GALNT18: variants seen among roughly 807,000 people sequenced by gnomAD.
GALNT18 encodes the protein polypeptide N-acetylgalactosaminyltransferase 18, also known as GalNAc-transferase 18.
Under a neutral mutation model 69.5 loss-of-function variants are expected in GALNT18, and 44 were observed. The ratio of observed to expected loss-of-function variants is 0.63; its 90% CI spans 0.50 to 0.81. GALNT18 has a LOEUF of 0.81. GALNT18 is among the 40% of genes least tolerant of loss of function. GALNT18 has a pLI of 0.00. For synonymous variants in GALNT18, 364 were observed against 318.2 expected (o/e 1.14, Z -1.53); for missense variants, 715 against 810.0 (o/e 0.88, Z 1.42).
intron 3 of GALNT18, among the ~76,000 whole-genome samples, chr11:11,400,737 C>T (rs1476193916): frequency 6.6e-6 from 1 of 151,902 alleles, no homozygotes. Flanking sequence ...ATATGCTTCT[C>T]ACTCCCAGCT....
At chr11:11,290,727 A>G (rs1034453294) in intron 10 of GALNT18, among the ~76,000 whole-genome samples, 5 of 152,022 alleles carry the variant, frequency 3.3e-5, no homozygotes, top group African/African-American at 1.2e-4. Context: ...TAGCTGCACC[A>G]CCACCAACTT....
chr11:11,556,785 T>C (rs1858342770), intron 1 of GALNT18, among the ~76,000 whole-genome samples: 2 of 152,332 alleles, frequency 1.3e-5, no homozygotes, highest in East Asian at 1.9e-4. Context: ...TTATGAGCAA[T>C]AGAAAAATGT....
chr11:11,449,225 A>AC (rs1331349148), intron 1 of GALNT18, among the ~76,000 whole-genome samples: 1 of 151,910 alleles, frequency 6.6e-6, no homozygotes, highest in Non-Finnish European at 1.5e-5. Context: ...TCAAGTCAGG[A>AC]CCCCCTTTTT....
Position 11,332,893 on chromosome 11 carries a change from C to G in GALNT18, c.1279-62G>C. ...CCAGGTTGCAGCTTCTCCCCAAACT[C>G]TACTTTGGCATGACCTTGTGCCCCC... On this transcript the variant is annotated intron_variant, in intron 7 of 10. Transcript: ENST00000227756. This position sits in a 1 kb window ranked among gnomAD's most constrained non-coding sequence, Gnocchi z 4.3. 1 of 1,583,626 alleles carries G rather than the reference C, an allele frequency of 6.3e-7. No homozygotes were observed. Among genetic ancestry groups the G allele is most frequent in the Non-Finnish European group, 8.6e-7 (1 of 1,163,786 alleles).
At chr11:11,517,498 C>T (rs1199440396) in intron 1 of GALNT18, among the ~76,000 whole-genome samples, 2 of 152,202 alleles carry the variant, frequency 1.3e-5, no homozygotes, top group African/African-American at 4.8e-5. Context: ...CATATATGGA[C>T]TTAATTTAAT....
At chr11:11,412,517 G>A (rs1174455172) in intron 3 of GALNT18, among the ~76,000 whole-genome samples, 1 of 152,176 alleles carries the variant, frequency 6.6e-6, no homozygotes, top group Non-Finnish European at 1.5e-5. Context: ...GGAGCCCCAG[G>A]TTCTAAGCAC....
intron 9 of GALNT18, among the ~76,000 whole-genome samples, chr11:11,303,556 A>G (rs895686121): frequency 6.6e-6 from 1 of 151,910 alleles, no homozygotes; most frequent in Non-Finnish European, 1.5e-5. Flanking sequence ...CTGATACTAG[A>G]TAGAGGCTGA....
In GALNT18 at chr11:11,309,833, G is replaced by C. The variant is rs781315061; in HGVS notation, c.1513-16640C>G. On this transcript the variant is annotated intron_variant, in intron 9 of 10. Transcript: ENST00000227756. This position sits in a 1 kb window ranked among gnomAD's most constrained non-coding sequence, Gnocchi z 4.6. ...ACAGCCTGCAAACTTGTTCCTCCTGGGCCTCAGCAGAAGTTCATTTCCTGT... is the reference window on the plus strand; with the variant it reads ...ACAGCCTGCAAACTTGTTCCTCCTGCGCCTCAGCAGAAGTTCATTTCCTGT... Among the ~76,000 whole-genome samples, 13 of 151,952 alleles carry C rather than the reference G, an allele frequency of 8.6e-5. No individual in the cohort carries two copies. Among genetic ancestry groups the C allele is most frequent in the African/African-American group, 3.1e-4 (13 of 41,342 alleles).
chr11:11,565,273 A>G (rs1265732562), intron 1 of GALNT18, among the ~76,000 whole-genome samples: 1 of 152,218 alleles, frequency 6.6e-6, no homozygotes, highest in Non-Finnish European at 1.5e-5. Flanking sequence ...TACCTGCCAC[A>G]TAGGGGTGGC....
rs1590096107 is a variant in GALNT18 at position 11,556,041 on chromosome 11, A to G, written c.235+65318T>C. Among the ~76,000 whole-genome samples, 3 of 152,214 alleles carry G rather than the reference A, an allele frequency of 2.0e-5. No homozygotes were observed. In the East Asian group the frequency reaches 5.8e-4, roughly 29 times the overall value. On this transcript the variant is annotated intron_variant, in intron 1 of 10. Transcript: ENST00000227756. ...TGCCAGGTCATGGATGAAGCAAAAC[A>G]ATCGCATGGAACTGGTGGGACCTTG...
In GALNT18 at chr11:11,524,582, G is replaced by T. The variant is rs139252241; in HGVS notation, c.236-75646C>A. ...AAATGGTGTGTTCCAAATAGGGATT[G>T]GTCCTTCAGCCTGTGCCTCAGAATG... On this transcript the variant is annotated intron_variant, in intron 1 of 10. Coordinates refer to ENST00000227756, the MANE Select transcript of GALNT18 (RefSeq NM_198516.3). Among the ~76,000 whole-genome samples the T allele has an allele frequency of 3.2e-3, 483 of 152,272 alleles. 5 individuals carry two copies. The highest frequency in any genetic ancestry group is 0.011 in the African/African-American group (446 of 41,556).
At chr11:11,487,183 T>C (rs1437832591) in intron 1 of GALNT18, among the ~76,000 whole-genome samples, 5 of 152,250 alleles carry the variant, frequency 3.3e-5, no homozygotes, top group African/African-American at 7.2e-5. Flanking sequence ...AAAGGTTGTC[T>C]TCATGATATT....
At chr11:11,279,257 TAC>T (rs1333604906) in intron 10 of GALNT18, among the ~76,000 whole-genome samples, 1 of 152,166 alleles carries the variant, frequency 6.6e-6, no homozygotes, top group African/African-American at 2.4e-5. Context: ...GAGCCAATTA[TAC>T]CTCTTTTCTT....
At chr11:11,275,758 C>T (rs954943070) in intron 10 of GALNT18, among the ~76,000 whole-genome samples, 17 of 152,202 alleles carry the variant, frequency 1.1e-4, no homozygotes, top group Non-Finnish European at 2.5e-4. Context: ...TATGGCTAGC[C>T]AGTTTCCCCA....
At chr11:11,446,727 G>A (rs1313007287) in intron 2 of GALNT18, among the ~76,000 whole-genome samples, 1 of 152,122 alleles carries the variant, frequency 6.6e-6, no homozygotes, top group Non-Finnish European at 1.5e-5. Context: ...TGCCCCCTCG[G>A]TCTGTTCTCA....
intron 6 of GALNT18, among the ~76,000 whole-genome samples, chr11:11,348,159 C>G (rs1380504677): frequency 6.6e-6 from 1 of 152,076 alleles, no homozygotes; most frequent in Non-Finnish European, 1.5e-5. Flanking sequence ...AGGTGGATTA[C>G]CTGAGGTCAG....
At chr11:11,521,961 C>A (rs992269522) in intron 1 of GALNT18, among the ~76,000 whole-genome samples, 1 of 152,142 alleles carries the variant, frequency 6.6e-6, no homozygotes, top group East Asian at 1.9e-4. Context: ...CCCAGAGAGG[C>A]CACTGTCAAG....
At chr11:11,570,444 G>A (rs80122255) in intron 1 of GALNT18, among the ~76,000 whole-genome samples, 3,998 of 152,296 alleles carry the variant, frequency 0.026, 153 homozygotes, top group African/African-American at 0.082. Flanking sequence ...TCATCCGGCC[G>A]TCCGGCCCCT....
intron 10 of GALNT18, among the ~76,000 whole-genome samples, chr11:11,279,078 T>G (rs1004155717): frequency 1.2e-4 from 18 of 152,194 alleles, no homozygotes; most frequent in Admixed American, 2.6e-4. Context: ...GCCATCCCCT[T>G]GGTGAGAAGT....
Sources: gnomAD v4.1 joint callset for allele counts (sites outside exome capture counted in the v4.1 genomes callset) on GRCh38, gnomAD v4.1.1 for gene constraint, Gnocchi (gnomAD v3.1) non-coding constraint, MANE v1.5 for transcripts, NCBI Gene and HGNC (gene_info 2026-07-23, HGNC 2026-07-21) for gene names.